The following ULK4 variants were observed in gnomAD, a reference collection of about 807,000 sequenced individuals.
ULK4 encodes unc-51 like kinase 4.
ULK4 carries 133 observed loss-of-function variants against 160.6 expected under a neutral mutation model. The ratio of observed to expected loss-of-function variants is 0.83; its 90% CI spans 0.72 to 0.96. The LOEUF is 0.96. Among genes scored for constraint, ULK4 ranks in the 40% least tolerant of loss-of-function variants. ULK4 has a pLI of 0.00. For synonymous variants in ULK4, 534 were observed against 539.8 expected (o/e 0.99, Z 0.15); for missense variants, 1,580 against 1,499.5 (o/e 1.05, Z -0.89).
chr3:41,771,420 T>C (rs1212752313), intron 21 of ULK4, among the ~76,000 whole-genome samples: 2 of 152,172 alleles, frequency 1.3e-5, no homozygotes, highest in African/African-American at 4.8e-5. Flanking sequence ...AACCGTAGAA[T>C]TACAAATGAT....
chr3:41,742,582 T>A (rs564662114), intron 22 of ULK4, among the ~76,000 whole-genome samples: 1 of 151,664 alleles, frequency 6.6e-6, no homozygotes, highest in Non-Finnish European at 1.5e-5. Flanking sequence ...AAATCACTCA[T>A]CAAAACGAGA....
At chr3:41,321,096 C>T (rs1214667353) in intron 35 of ULK4, among the ~76,000 whole-genome samples, 4 of 151,574 alleles carry the variant, frequency 2.6e-5, no homozygotes, top group Admixed American at 6.6e-5. Context: ...TATAATGCAA[C>T]GAACTTGCAC....
At chr3:41,448,384 C>A (rs1387140605) in intron 34 of ULK4, among the ~76,000 whole-genome samples, 1 of 152,098 alleles carries the variant, frequency 6.6e-6, no homozygotes, top group Non-Finnish European at 1.5e-5. Flanking sequence ...GAAATCAAGG[C>A]ATGTTTAAAG....
intron 34 of ULK4, among the ~76,000 whole-genome samples, chr3:41,399,615 C>G (rs1049704195): frequency 1.3e-5 from 2 of 151,804 alleles, no homozygotes; most frequent in Non-Finnish European, 2.9e-5. Context: ...TCTCTGTCAC[C>G]CAGGCTGGAG....
chr3:41,831,857 T>C (rs1263020794), intron 18 of ULK4, among the ~76,000 whole-genome samples: 1 of 152,148 alleles, frequency 6.6e-6, no homozygotes, highest in Non-Finnish European at 1.5e-5. Context: ...GCTTCACCCA[T>C]GGCCCTGCAA....
intron 34 of ULK4, among the ~76,000 whole-genome samples, chr3:41,446,568 C>T (rs1324291381): frequency 3.3e-5 from 5 of 152,048 alleles, no homozygotes; most frequent in South Asian, 4.2e-4. Context: ...GAGTTCATGT[C>T]CTTTGTAGGG....
chr3:41,262,217 A>G lies in ULK4; in HGVS notation c.3679-12643T>C, dbSNP rs550862555. On this transcript the variant is annotated intron_variant, in intron 35 of 36. Transcript: ENST00000301831. ...GTCCAACTGGGGAAGCCGGGAGTTGACATTTCCATGAGTAGTGAGGAGGCT... is the reference window on the plus strand; with the variant it reads ...GTCCAACTGGGGAAGCCGGGAGTTGGCATTTCCATGAGTAGTGAGGAGGCT... Among the ~76,000 whole-genome samples the G allele has an allele frequency of 3.3e-5, 5 of 152,340 alleles. No individual in the cohort carries two copies. The East Asian group carries it at 9.7e-4, about 29-fold the overall frequency.
intron 34 of ULK4, among the ~76,000 whole-genome samples, chr3:41,442,684 C>T (rs1303330291): frequency 6.6e-6 from 1 of 151,530 alleles, no homozygotes; most frequent in Non-Finnish European, 1.5e-5. Flanking sequence ...ACCTTGAACT[C>T]CTGGGCTCAA....
chr3:41,752,778 A>G (rs2125896134), intron 22 of ULK4, among the ~76,000 whole-genome samples: 1 of 152,340 alleles, frequency 6.6e-6, no homozygotes, highest in South Asian at 2.1e-4. Context: ...TGATTTAATG[A>G]TAAGGACACT....
chr3:41,330,082 C>T (rs891087751), intron 35 of ULK4, among the ~76,000 whole-genome samples: 11 of 152,304 alleles, frequency 7.2e-5, no homozygotes, highest in Admixed American at 7.2e-4. Flanking sequence ...ACAGATCTCA[C>T]AATCCTGCTG....
intron 32 of ULK4, among the ~76,000 whole-genome samples, chr3:41,509,751 A>G (rs994933238): frequency 2.6e-5 from 4 of 152,238 alleles, no homozygotes; most frequent in African/African-American, 7.2e-5. Context: ...GGAAAGACAC[A>G]GTCTTTTCCA....
intron 21 of ULK4, among the ~76,000 whole-genome samples, chr3:41,766,114 C>T (rs1641085489): frequency 6.6e-6 from 1 of 151,808 alleles, no homozygotes; most frequent in Admixed American, 6.6e-5. Flanking sequence ...ACTAAAAATA[C>T]AAAAATCAGC....
At chr3:41,631,253 T>TCGG (rs2033730679) in intron 30 of ULK4, among the ~76,000 whole-genome samples, 1 of 152,202 alleles carries the variant, frequency 6.6e-6, no homozygotes, top group African/African-American at 2.4e-5. Context: ...GGTTGAGATT[T>TCGG]CAGCAGCGTT....
rs73830227 is a variant in ULK4 at position 41,545,799 on chromosome 3, A to C, written c.3226+20226T>G. On this transcript the variant is annotated intron_variant, in intron 32 of 36. Transcript: ENST00000301831. ...TGGAAATTGTCCCATAGGCTTTTTC[A>C]TTTTTTTAAATCTTTTCTTTCTCTG... Among the ~76,000 whole-genome samples, 364 of 152,064 alleles carry C rather than the reference A, an allele frequency of 2.4e-3. 1 individual carries two copies. Among genetic ancestry groups the C allele is most frequent in the African/African-American group, 8.4e-3 (350 of 41,510 alleles).
chr3:41,922,072 G>A (rs541179948), intron 5 of ULK4, among the ~76,000 whole-genome samples: 45 of 152,198 alleles, frequency 3.0e-4, no homozygotes, highest in African/African-American at 1.0e-3. Flanking sequence ...AGAATGGCAT[G>A]AACCCAGGAG....
intron 18 of ULK4, among the ~76,000 whole-genome samples, chr3:41,821,324 G>A (rs115709839): frequency 0.044 from 6,640 of 150,180 alleles, 459 homozygotes; most frequent in African/African-American, 0.16. Flanking sequence ...ATCCTCAGGG[G>A]ACCTTCAACA....
In ULK4 at chr3:41,912,860, C is replaced by T; in HGVS notation, c.843G>A (p.Lys281=). The T allele has an allele frequency of 1.2e-6, 2 of 1,614,106 alleles. No homozygotes were observed. Among genetic ancestry groups the T allele is most frequent in the Non-Finnish European group, 1.7e-6 (2 of 1,179,996 alleles). Residue 281 remains lysine (K), a synonymous_variant, in exon 9 of 37, where the codon AAG becomes AAA. Coordinates refer to ENST00000301831, the MANE Select transcript of ULK4 (RefSeq NM_017886.4). ...CCTGATCTGCTCCAGCAAAAGCTTT[C>T]TTCCAAAATGAATGCTGCAGTAGCC... ...WTRLLQHSFW[K]KAFAGADQES... is the part of the protein sequence containing the mutation.
intron 35 of ULK4, among the ~76,000 whole-genome samples, chr3:41,356,848 A>G (rs2081040010): frequency 6.6e-6 from 1 of 152,138 alleles, no homozygotes; most frequent in South Asian, 2.1e-4. Context: ...GAAGCCTGAG[A>G]AGTGGGGTGC....
At chr3:41,285,793 G>C (rs1408546664) in intron 35 of ULK4, among the ~76,000 whole-genome samples, 9 of 152,202 alleles carry the variant, frequency 5.9e-5, no homozygotes, top group Non-Finnish European at 4.4e-5. Flanking sequence ...TAGCTGATGA[G>C]CAAAGATAAA....
Sources: gnomAD v4.1 joint callset for allele counts (sites outside exome capture counted in the v4.1 genomes callset) on GRCh38, gnomAD v4.1.1 for gene constraint, MANE v1.5 for transcripts, NCBI Gene and HGNC (gene_info 2026-07-23, HGNC 2026-07-21) for gene names.